The following C11orf65 variants were observed in gnomAD, a reference collection of about 807,000 sequenced individuals.
The protein encoded by C11orf65 is chromosome 11 open reading frame 65, also known as protein MFI.
C11orf65 carries 38 observed loss-of-function variants against 35.3 expected under a neutral mutation model. The ratio of observed to expected loss-of-function variants is 1.08; its 90% CI spans 0.83 to 1.41. The LOEUF is 1.41. Ranked by LOEUF, C11orf65 falls within the 40% of genes most tolerant of loss-of-function variation. C11orf65 has a pLI of 0.00. For missense variants in C11orf65, 370 were observed against 367.1 expected, an observed-to-expected ratio of 1.01 and a Z score of -0.06; for synonymous variants, 105 against 114.4, an observed-to-expected ratio of 0.92 and a Z score of 0.53.
chr11:108,430,929 C>T (rs2092980381), intron 3 of C11orf65, among the ~76,000 whole-genome samples: 1 of 127,272 alleles, frequency 7.9e-6, no homozygotes, highest in South Asian at 2.3e-4. Context: ...CACACACACA[C>T]ACACACACAC....
intron 7 of C11orf65, among the ~76,000 whole-genome samples, chr11:108,389,304 G>A (rs946057959): frequency 6.6e-6 from 1 of 152,222 alleles, no homozygotes; most frequent in African/African-American, 2.4e-5. Flanking sequence ...AGGGGCTTAT[G>A]CCTAATGTCT....
intron 3 of C11orf65, among the ~76,000 whole-genome samples, chr11:108,412,811 T>C (rs1366848352): frequency 6.6e-6 from 1 of 152,198 alleles, no homozygotes; most frequent in Non-Finnish European, 1.5e-5. Context: ...TGAGCTGCTA[T>C]ATTAATTTCA....
intron 6 of C11orf65, among the ~76,000 whole-genome samples, chr11:108,401,386 A>T (rs193256207): frequency 6.6e-6 from 1 of 152,286 alleles, no homozygotes; most frequent in Non-Finnish European, 1.5e-5. Context: ...CCTAAGAAGG[A>T]GAAAGAGCTG....
rs553575746 is a variant in C11orf65, at chr11:108,410,733, G to A, written c.175-3584C>T. ...TTACTTTTTTTTTTTTTTTGAGACA[G>A]AGTCTTGCTCTGTCGCTCAGTCTGG... is the stretch of plus-strand genomic sequence containing the variant. On this transcript the variant is annotated intron_variant, in intron 3 of 8. Transcript: ENST00000393084. Among the ~76,000 whole-genome samples, 457 of 138,826 alleles carry A rather than the reference G, an allele frequency of 3.3e-3. 7 individuals are homozygous for A. The highest frequency in any genetic ancestry group is 0.012 in the African/African-American group (447 of 36,872). The allele number at this position is 138,826 out of a possible 152,430, so 91.1% of individuals were successfully genotyped here.
At chr11:108,457,791 T>A (rs1459561460) in intron 2 of C11orf65, among the ~76,000 whole-genome samples, 2 of 152,222 alleles carry the variant, frequency 1.3e-5, no homozygotes, top group African/African-American at 2.4e-5. Context: ...TTTAATTTTT[T>A]AAAATCCCTA....
intron 6 of C11orf65, among the ~76,000 whole-genome samples, chr11:108,311,621 C>A (rs574041529): frequency 2.6e-5 from 4 of 151,916 alleles, no homozygotes; most frequent in Admixed American, 6.6e-5. Flanking sequence ...TCGCTTGAGC[C>A]CAGGAGGGAG....
intron 3 of C11orf65, among the ~76,000 whole-genome samples, chr11:108,424,051 G>A (rs954548833): frequency 6.6e-6 from 1 of 152,184 alleles, no homozygotes; most frequent in African/African-American, 2.4e-5. Context: ...ACTGGACAGA[G>A]AATGAGTTAG....
chr11:108,463,458 C>CATAA (rs750298617), intron 1 of C11orf65, among the ~76,000 whole-genome samples: 9 of 151,820 alleles, frequency 5.9e-5, no homozygotes, highest in Non-Finnish European at 1.2e-4. Flanking sequence ...ATGAAAAAAA[C>CATAA]TTATGTCTTT....
At chr11:108,356,241 G>GT (rs1209139077) in intron 2 of C11orf65, 1 of 152,054 alleles carries the variant, frequency 6.6e-6, no homozygotes, top group Non-Finnish European at 1.5e-5. Context: ...ACTTTTTCAT[G>GT]TAAGAAAAAG....
At chr11:108,427,509 G>A (rs1278420359) in intron 3 of C11orf65, among the ~76,000 whole-genome samples, 1 of 151,174 alleles carries the variant, frequency 6.6e-6, no homozygotes, top group Non-Finnish European at 1.5e-5. Context: ...CACGAGGTCA[G>A]GAGATCGAGA....
chr11:108,430,729 C>T (rs898406412), intron 3 of C11orf65, among the ~76,000 whole-genome samples: 20 of 151,952 alleles, frequency 1.3e-4, no homozygotes, highest in Non-Finnish European at 8.8e-5. Flanking sequence ...CCTATAGTCC[C>T]AGTTATTCAT....
intron 2 of C11orf65, among the ~76,000 whole-genome samples, chr11:108,362,811 C>G (rs190131): frequency 3.4e-4 from 34 of 98,836 alleles, no homozygotes; most frequent in East Asian, 6.8e-4. Flanking sequence ...GGGTGGGGGG[C>G]GGGGGGAGGG....
At chr11:108,313,290 C>T (rs183920006) in intron 6 of C11orf65, among the ~76,000 whole-genome samples, 1 of 152,172 alleles carries the variant, frequency 6.6e-6, no homozygotes, top group Non-Finnish European at 1.5e-5. Context: ...TAAAAATTCC[C>T]TTTCTCACAA....
At position 108,353,838 on chromosome 11, in the gene C11orf65, T is replaced by C. The variant is rs2089511171; in HGVS notation, c.227-18546A>G. 1 of 1,613,958 alleles carries C rather than the reference T, an allele frequency of 6.2e-7. No individual in the cohort carries two copies. The highest frequency in any genetic ancestry group is 1.3e-5 in the African/African-American group (1 of 74,896). On this transcript the variant is annotated intron_variant, in intron 2 of 3. Coordinates refer to the C11orf65 transcript ENST00000524755. ...CCTTTTAGACTCACCAGAGATATTG[T>C]GGATGGCATGGGCATTACGGGTGTT...
In C11orf65 at chr11:108,406,831, G is replaced by C; in HGVS notation, c.361C>G (p.Gln121Glu). 6.2e-7 allele frequency: 1 copy of C among 1,613,262 alleles called. No individual in the cohort carries two copies. Among genetic ancestry groups the C allele is most frequent in the Non-Finnish European group, 8.5e-7 (1 of 1,179,580 alleles). The change falls in exon 5 of 9, where the codon CAG (glutamine) becomes GAG (glutamate). Residue 121 changes from glutamine to glutamate, a missense_variant. Transcript: ENST00000393084. ...HTSHNKNDHL[Q>E]EEDHSGWYHR... ...TACCAGCCACTATGATCCTCTTCCT[G>C]AAGATGATCATTTTTATTATGAGAT...
intron 1 of C11orf65, among the ~76,000 whole-genome samples, chr11:108,465,691 T>TA (rs2093526449): frequency 2.7e-5 from 4 of 149,678 alleles, no homozygotes; most frequent in Middle Eastern, 3.3e-3. Flanking sequence ...AGGTTTTTTT[T>TA]TAAAAAAAAA....
intron 2 of C11orf65, among the ~76,000 whole-genome samples, chr11:108,459,722 C>T (rs959390960): frequency 1.6e-5 from 2 of 129,006 alleles, no homozygotes; most frequent in Non-Finnish European, 3.2e-5. Context: ...ATGTGTCCTC[C>T]GTCTACACAC....
intron 1 of C11orf65, among the ~76,000 whole-genome samples, chr11:108,465,292 G>A (rs535143963): frequency 6.6e-6 from 1 of 152,036 alleles, no homozygotes; most frequent in Non-Finnish European, 1.5e-5. Context: ...TAGGCTAAAG[G>A]GTGTTTAGAA....
At chr11:108,382,359 A>C (rs949764102), downstream of C11orf65, among the ~76,000 whole-genome samples, 18 of 152,176 alleles carry the variant, frequency 1.2e-4, no homozygotes, top group Non-Finnish European at 1.8e-4. Context: ...CGTAGGCCCC[A>C]AAAAAACTGA....
Sources: allele counts gnomAD v4.1 joint callset (sites outside exome capture counted in the v4.1 genomes callset), GRCh38; gene constraint gnomAD v4.1.1; transcripts MANE v1.5; gene names NCBI Gene and HGNC (gene_info 2026-07-23, HGNC 2026-07-21).